Variants in C7orf57 observed in about 807,000 individuals in gnomAD.
C7orf57 encodes the protein uncharacterized protein C7orf57.
C7orf57 carries 33 observed loss-of-function variants against 39.0 expected under a neutral mutation model. That is an observed-to-expected ratio of 0.85 (90% CI 0.64 to 1.13). C7orf57 has a LOEUF of 1.13. Among genes scored for constraint, C7orf57 ranks in the 50% most tolerant of loss-of-function variants. The pLI, the probability that C7orf57 is intolerant of heterozygous loss-of-function variation, is 0.00. For synonymous variants in C7orf57, 124 were observed against 137.1 expected (o/e 0.90, Z 0.67); for missense variants, 346 against 362.3 (o/e 0.95, Z 0.37).
chr7:48,053,423 AT>A (rs1352532682), intron 7 of C7orf57, among the ~76,000 whole-genome samples: 3 of 151,820 alleles, frequency 2.0e-5, no homozygotes, highest in African/African-American at 7.2e-5. Context: ...AAAGTACTAT[AT>A]TAGTTTTTAT....
At chr7:48,055,860 C>T (rs1178441324) in intron 8 of C7orf57, among the ~76,000 whole-genome samples, 1 of 151,974 alleles carries the variant, frequency 6.6e-6, no homozygotes, top group African/African-American at 2.4e-5. Flanking sequence ...TTTCCTTATT[C>T]ATCTGTTCAT....
intron 6 of C7orf57, among the ~76,000 whole-genome samples, chr7:48,050,552 C>T (rs1039170260): frequency 2.0e-5 from 3 of 152,116 alleles, no homozygotes; most frequent in East Asian, 3.8e-4. Context: ...CTTCAAACAG[C>T]TTCTTGTCCA....
At position 48,036,337 on chromosome 7, in the gene C7orf57, GCGCCACGCAC is replaced by G. The variant is rs775649080; in HGVS notation, c.33_42del (p.His13LeufsTer11). 1.1e-5 allele frequency: 17 copies of G among 1,591,028 alleles called. No homozygotes were observed. The highest frequency in any genetic ancestry group is 1.4e-5 in the Non-Finnish European group (16 of 1,169,322). ...AGGAACACAAGCAAGGAACTTCAGG[GCGCCACGCAC>G]CGCTACGCTCCCTGCGGTGAGTGCG... is the stretch of plus-strand genomic sequence containing the variant. On this transcript the variant is annotated frameshift_variant, in exon 2 of 9. Transcript: ENST00000348904. LOFTEE classifies it high-confidence loss of function.
intron 8 of C7orf57, among the ~76,000 whole-genome samples, chr7:48,059,421 G>A (rs1259773951): frequency 6.6e-6 from 1 of 152,104 alleles, no homozygotes; most frequent in African/African-American, 2.4e-5. Context: ...TGCCATCATG[G>A]CTCACTACAG....
intron 6 of C7orf57, among the ~76,000 whole-genome samples, 199 bp downstream of exon 6, chr7:48,050,176 C>T (rs1790834756): frequency 6.6e-6 from 1 of 152,204 alleles, no homozygotes; most frequent in African/African-American, 2.4e-5. Flanking sequence ...CTGTTGAACA[C>T]ATCTGCCCTT....
chr7:48,050,123 C>T, intron 6 of C7orf57, 146 bp downstream of exon 6: 1 of 643,448 alleles, frequency 1.6e-6, no homozygotes, highest in Non-Finnish European at 2.8e-6. Flanking sequence ...TGCCTGTCGC[C>T]TCCTCACTGT....
intron 6 of C7orf57, 148 bp from the exon 7 acceptor site, chr7:48,052,552 G>A: frequency 3.0e-6 from 2 of 662,890 alleles, no homozygotes; most frequent in Non-Finnish European, 5.3e-6. Context: ...GATAGAGGGA[G>A]AAAGAGAGAG....
rs773427716 is a variant in C7orf57, at chr7:48,046,464, C to T, written c.355C>T (p.Arg119Trp). 3.7e-6 allele frequency: 6 copies of T among 1,612,464 alleles called. No homozygotes were observed. Among genetic ancestry groups the T allele is most frequent in the South Asian group, 2.2e-5 (2 of 90,782 alleles). ...KPPTASQQEV[R>W]AVSMPDYMVH... is the part of the protein sequence containing the mutation. ...AACTGGTGTCTGTCCTTGCAGAGTG[C>T]GGGCTGTCTCCATGCCGGATTACAT... is the stretch of plus-strand genomic sequence containing the variant. Residue 119 changes from arginine (R) to tryptophan (W), a missense_variant, in exon 5 of 9, where the codon CGG becomes TGG. Physicochemically the swap from Arg to Trp is moderately radical, Grantham distance 101. Coordinates refer to ENST00000348904, the MANE Select transcript of C7orf57 (RefSeq NM_001100159.3).
chr7:48,055,367 G>A (rs958988554), intron 8 of C7orf57, among the ~76,000 whole-genome samples: 1 of 152,064 alleles, frequency 6.6e-6, no homozygotes, highest in African/African-American at 2.4e-5. Flanking sequence ...ACTATGGGGT[G>A]CAATGCGATG....
intron 8 of C7orf57, among the ~76,000 whole-genome samples, chr7:48,054,855 G>GATC (rs1283266407): frequency 2.0e-4 from 30 of 151,434 alleles, no homozygotes; most frequent in African/African-American, 5.6e-4. Context: ...AGATGATGAT[G>GATC]ATGATGATGA....
chr7:48,060,999 T>C lies in C7orf57; in HGVS notation c.*727T>C, dbSNP rs1351674219. 6.6e-6 allele frequency: 1 copy of C among 152,176 alleles called. No homozygotes were observed. Among genetic ancestry groups the C allele is most frequent in the Non-Finnish European group, 1.5e-5 (1 of 68,006 alleles). 9.4% of individuals were successfully genotyped at this position (152,176 alleles called of 1,614,324 possible). The stretch of plus-strand genomic sequence containing the variant: ...AATTGTTTATATTTAAGTAATTAGC[T>C]TAAAAATATAGTTTTATGTTTTGTA... On this transcript the variant is annotated 3_prime_UTR_variant, in exon 9 of 9. Transcript: ENST00000348904.
rs371265820 is a variant in C7orf57 at position 48,050,471 on chromosome 7, T to C, written c.605+494T>C. On this transcript the variant is annotated intron_variant, in intron 6 of 8. Transcript: ENST00000348904. ...CTGCAGAGTGAAATCCCTGAGGCCT[T>C]AGGTGTCTTCTTACTCTCCCAGAAT... Among the ~76,000 whole-genome samples the C allele has an allele frequency of 4.2e-4, 64 of 152,298 alleles. No homozygotes were observed. In the Middle Eastern group the frequency reaches 0.014, roughly 32 times the overall value.
chr7:48,049,558 G>T (rs553331025), intron 5 of C7orf57, among the ~76,000 whole-genome samples: 2 of 152,200 alleles, frequency 1.3e-5, no homozygotes, highest in South Asian at 4.1e-4. Context: ...AAAGCGTACA[G>T]GTGCTTTTGT....
intron 4 of C7orf57, among the ~76,000 whole-genome samples, chr7:48,044,813 T>C (rs1790666652): frequency 1.3e-5 from 2 of 152,252 alleles, no homozygotes; most frequent in South Asian, 4.1e-4. Flanking sequence ...TTTCTATTTG[T>C]GGACATGCAA....
intron 2 of C7orf57, 70 bp downstream of exon 2, chr7:48,036,433 G>T: frequency 7.1e-7 from 1 of 1,403,590 alleles, no homozygotes; most frequent in Non-Finnish European, 9.5e-7. Context: ...TAGACACGCT[G>T]TGGACCCAAC....
In C7orf57 at chr7:48,060,277, T is replaced by C; in HGVS notation, c.*5T>C. On this transcript the variant is annotated 3_prime_UTR_variant, in exon 9 of 9. Transcript: ENST00000348904. ...ACACCAGCAGAGCTCAAATAAATCC[T>C]GATGCAATATGTATTTAGGATAATT... 6.6e-7 allele frequency: 1 copy of C among 1,518,890 alleles called. No individual in the cohort carries two copies. Among genetic ancestry groups the C allele is most frequent in the Non-Finnish European group, 8.9e-7 (1 of 1,123,230 alleles). The allele number at this position is 1,518,890 out of a possible 1,614,324, so 94.1% of individuals were successfully genotyped here.
At chr7:48,041,711 G>T in intron 3 of C7orf57, 192 bp downstream of exon 3, 1 of 389,754 alleles carries the variant, frequency 2.6e-6, no homozygotes, top group Non-Finnish European at 4.5e-6. Flanking sequence ...TATGATGCTA[G>T]AATAAATAGG....
At chr7:48,045,198 G>A (rs1481996262) in intron 4 of C7orf57, among the ~76,000 whole-genome samples, 1 of 152,256 alleles carries the variant, frequency 6.6e-6, no homozygotes, top group African/African-American at 2.4e-5. Flanking sequence ...AGAGGATGAA[G>A]AGTGGGAAGC....
intron 5 of C7orf57, 100 bp from the exon 6 acceptor site, chr7:48,049,780 A>T (rs1323959554): frequency 8.6e-5 from 68 of 792,040 alleles, no homozygotes; most frequent in Non-Finnish European, 1.5e-4. Context: ...TTGAAAGTCC[A>T]GCCTATAAGC....
Sources: allele counts gnomAD v4.1 joint callset (sites outside exome capture counted in the v4.1 genomes callset), GRCh38; gene constraint gnomAD v4.1.1; transcripts MANE v1.5; gene names NCBI Gene and HGNC (gene_info 2026-07-23, HGNC 2026-07-21).